Variants in SYNRG observed in about 807,000 individuals in gnomAD.
SYNRG encodes the protein AP1 gamma subunit binding protein 1.
In SYNRG, 37 loss-of-function variants were observed where a neutral mutation model predicts 130.9. That is an observed-to-expected ratio of 0.28 (90% CI 0.22 to 0.37). The LOEUF is 0.37. Ranked by LOEUF, SYNRG falls within the 10% of genes least tolerant of loss-of-function variation. The pLI is 1.00. For missense variants in SYNRG, 1,338 were observed against 1,588.9 expected (o/e 0.84, Z 2.68); for synonymous variants, 539 against 568.1 (o/e 0.95, Z 0.73).
chr17:37,530,041 C>T (rs1241724318), intron 19 of SYNRG, among the ~76,000 whole-genome samples: 1 of 152,112 alleles, frequency 6.6e-6, no homozygotes, highest in African/African-American at 2.4e-5. Flanking sequence ...GAAAAGAACT[C>T]GACTGTTTAT....
chr17:37,604,381 T>G (rs549040951), intron 1 of SYNRG, among the ~76,000 whole-genome samples: 2 of 152,370 alleles, frequency 1.3e-5, no homozygotes, highest in Non-Finnish European at 2.9e-5. Context: ...AGATAGCTTC[T>G]TTGCTTAAAC....
chr17:37,563,649 T>A (rs953490188), intron 11 of SYNRG, among the ~76,000 whole-genome samples: 4 of 152,088 alleles, frequency 2.6e-5, no homozygotes, highest in Admixed American at 6.6e-5. Context: ...TGCCTCAGCA[T>A]CCCAAGTAGG....
At chr17:37,530,465 A>G (rs541342071) in intron 19 of SYNRG, among the ~76,000 whole-genome samples, 1 of 152,334 alleles carries the variant, frequency 6.6e-6, no homozygotes, top group South Asian at 2.1e-4. Context: ...CTCGGCACAT[A>G]TCACTAGCGA....
At chr17:37,520,684 A>AGT (rs2054900297) in intron 19 of SYNRG, 36 bp from the exon 20 acceptor site, 24 of 1,552,274 alleles carry the variant, frequency 1.5e-5, no homozygotes, top group Non-Finnish European at 2.0e-5. Flanking sequence ...TAAGAAGTCC[A>AGT]CAAGTCCACA....
intron 8 of SYNRG, among the ~76,000 whole-genome samples, chr17:37,572,846 C>A (rs1328335362): frequency 3.9e-5 from 6 of 152,034 alleles, no homozygotes; most frequent in Non-Finnish European, 7.4e-5. Context: ...TCCAAAGGAC[C>A]AAGTGGGAAA....
At position 37,590,177 on chromosome 17, in the gene SYNRG, A is replaced by AAAAAG. The variant is rs1011532123; in HGVS notation, c.241-3633_241-3629dup. Among the ~76,000 whole-genome samples the AAAAAG allele has an allele frequency of 7.3e-5, 11 of 151,024 alleles. 1 individual carries two copies. The highest frequency in any genetic ancestry group is 3.9e-4 in the Admixed American group (6 of 15,252). On this transcript the variant is annotated intron_variant, in intron 3 of 21. Coordinates refer to ENST00000612223, the MANE Select transcript of SYNRG (RefSeq NM_007247.6). ...GGCGAGACTCTGTCTCAAAAAAAAA[A>AAAAAG]AAAAGAAAAGAAAAGAAAAGAAACT...
chr17:37,559,937 G>A (rs148662353), intron 13 of SYNRG, among the ~76,000 whole-genome samples: 104 of 152,286 alleles, frequency 6.8e-4, no homozygotes, highest in African/African-American at 2.3e-3. Flanking sequence ...TTTTTACTGT[G>A]ACCAGGCTGG....
chr17:37,589,758 A>G (rs1664050126), intron 3 of SYNRG, among the ~76,000 whole-genome samples: 2 of 151,982 alleles, frequency 1.3e-5, no homozygotes, highest in African/African-American at 4.8e-5. Context: ...AAAAGGAAAA[A>G]AAAAAAGGCT....
At chr17:37,534,109 T>A (rs911539986) in intron 19 of SYNRG, among the ~76,000 whole-genome samples, 1 of 149,874 alleles carries the variant, frequency 6.7e-6, no homozygotes, top group Non-Finnish European at 1.5e-5. Flanking sequence ...TAATTTTTTT[T>A]TTTTTTGTAT....
intron 2 of SYNRG, among the ~76,000 whole-genome samples, chr17:37,596,990 C>T (rs2062833116): frequency 6.6e-6 from 1 of 152,218 alleles, no homozygotes; most frequent in African/African-American, 2.4e-5. Context: ...TCAACACCCG[C>T]CTCAGCCTCC....
chr17:37,544,059 G>T (rs2058035168), intron 14 of SYNRG, among the ~76,000 whole-genome samples: 1 of 152,196 alleles, frequency 6.6e-6, no homozygotes, highest in South Asian at 2.1e-4. Flanking sequence ...TTTATGAGGG[G>T]TAAGAAGCTC....
chr17:37,542,630 T>C lies in SYNRG; in HGVS notation c.2609-65A>G. On this transcript the variant is annotated intron_variant, in intron 14 of 21. Transcript: ENST00000612223. Reference sequence around the variant, plus strand: ...TTTAGGCAAAATGCCCTAAACTCTGTAGAAGCAAAATGCCTAGCATATTTG... The same window carrying C: ...TTTAGGCAAAATGCCCTAAACTCTGCAGAAGCAAAATGCCTAGCATATTTG... 3 of 1,263,358 alleles carry C rather than the reference T, an allele frequency of 2.4e-6. No individual in the cohort carries two copies. In the South Asian group the frequency reaches 4.0e-5, roughly 17 times the overall value. 78.3% of individuals were successfully genotyped at this position (1,263,358 alleles called of 1,614,324 possible).
chr17:37,570,791 G>A lies in SYNRG; in HGVS notation c.1193C>T (p.Pro398Leu), dbSNP rs543725149. The change falls in exon 10 of 22, where the codon CCG (proline) becomes CTG (leucine). Residue 398 changes from proline (P) to leucine (L), a missense_variant. Physicochemically the swap from Pro to Leu is moderately conservative, Grantham distance 98. Around this residue, in one of 3 missense-constraint regions of SYNRG, gnomAD observed 1,146 missense variants for 1,342.3 expected, o/e 0.85. Transcript: ENST00000612223. ...AGGTATCACAGTTGGCTGACTCACC[G>A]GTGTAGGCAGAGTCATAGAAAAGCC... is the stretch of plus-strand genomic sequence containing the variant. ...LSGFSMTLPT[P>L]VSQPTVIPSG... 130 of 1,614,222 alleles carry A rather than the reference G, an allele frequency of 8.1e-5. 1 individual carries two copies. The South Asian group carries it at 1.2e-3, about 14-fold the overall frequency.
At position 37,553,479 on chromosome 17, in the gene SYNRG, G is replaced by A; in HGVS notation, c.2244C>T (p.Phe748=). The A allele has an allele frequency of 6.2e-7, 1 of 1,614,180 alleles. No individual in the cohort carries two copies. The highest frequency in any genetic ancestry group is 2.2e-5 in the East Asian group (1 of 44,892). The part of the protein sequence containing the change: ...STAASTKYDV[F]RQLSLEGSGL... ...CAGACCCTTCCAGAGAAAGTTGTCT[G>A]AAGACATCGTACTTGGTAGACGCAG... The change falls in exon 14 of 22, where the codon TTC becomes TTT. Residue 748 remains phenylalanine, a synonymous_variant. Transcript: ENST00000612223.
intron 11 of SYNRG, 100 bp downstream of exon 11, chr17:37,568,691 G>A (rs1357749288): frequency 1.6e-6 from 2 of 1,253,568 alleles, no homozygotes; most frequent in Non-Finnish European, 2.2e-6. Flanking sequence ...GTAGAGTAAG[G>A]AGTCTTAATT....
At chr17:37,579,333 G>C in intron 6 of SYNRG, 1 of 1,304,262 alleles carries the variant, frequency 7.7e-7, no homozygotes, top group South Asian at 1.2e-5. Context: ...CCACATGGGG[G>C]AACTTCAACA....
chr17:37,586,540 G>A lies in SYNRG; in HGVS notation c.250C>T (p.Pro84Ser), dbSNP rs147517896. 1 of 1,613,878 alleles carries A rather than the reference G, an allele frequency of 6.2e-7. No homozygotes were observed. The highest frequency in any genetic ancestry group is 8.5e-7 in the Non-Finnish European group (1 of 1,179,978). The change falls in exon 4 of 22, where the codon CCA (proline) becomes TCA (serine). Residue 84 changes from proline (P) to serine (S), a missense_variant. Coordinates refer to ENST00000612223, the MANE Select transcript of SYNRG (RefSeq NM_007247.6). Reference protein sequence around the residue: ...QGPIAMQAGIPMGPMPAAGMP... With the variant: ...QGPIAMQAGISMGPMPAAGMP... ...CCCGCTGCTGGCATTGGTCCCATTG[G>A]TATTCCTGCCTAGAAGAAACAGACA...
intron 6 of SYNRG, 150 bp downstream of exon 6, chr17:37,584,498 G>A (rs1285568678): frequency 5.0e-6 from 3 of 601,550 alleles, no homozygotes; most frequent in Admixed American, 2.9e-5. Flanking sequence ...TTAAGCCACT[G>A]TATATTTGAG....
rs2057158191 is a variant in SYNRG, at chr17:37,536,030, G to A, written c.3615C>T (p.Ile1205=). The change falls in exon 19 of 22, where the codon ATC becomes ATT. Residue 1205 remains isoleucine, a synonymous_variant. Transcript: ENST00000612223. ...CGATTAGGTTATTCCATACTTTATCGATGTCCTTCAGCAACTGCTGGAGTT... is the reference window on the plus strand; with the variant it reads ...CGATTAGGTTATTCCATACTTTATCAATGTCCTTCAGCAACTGCTGGAGTT... ...SEKLQQLLKD[I]DKVWNNLIGF... The A allele has an allele frequency of 1.9e-6, 3 of 1,613,984 alleles. No individual in the cohort carries two copies. Among genetic ancestry groups the A allele is most frequent in the South Asian group, 1.1e-5 (1 of 91,072 alleles).
Sources: allele counts gnomAD v4.1 joint callset (sites outside exome capture counted in the v4.1 genomes callset), GRCh38; gene constraint gnomAD v4.1.1; regional missense constraint gnomAD v4.1.1; transcripts MANE v1.5; gene names NCBI Gene and HGNC (gene_info 2026-07-23, HGNC 2026-07-21).